Variants in RBMX observed in about 807,000 individuals in gnomAD.
RBMX encodes RNA binding motif protein X-linked, also known as RNA-binding motif protein, X chromosome.
A neutral mutation model predicts 29.3 loss-of-function variants in RBMX; 1 was observed. The ratio of observed to expected loss-of-function variants is 0.03; its 90% confidence interval spans 0.01 to 0.16. The LOEUF is 0.16. Among genes scored for constraint, RBMX ranks in the 10% least tolerant of loss-of-function variants. The pLI, the probability that RBMX is intolerant of heterozygous loss-of-function variation, is 1.00. For missense variants in RBMX, 121 were observed against 333.2 expected (o/e 0.36, Z 4.96); for synonymous variants, 102 against 102.3 (o/e 1.00, Z 0.02).
chrX:136,875,226 T>C, intron 7 of RBMX, 32 bp downstream of exon 7: 1 of 1,211,024 alleles, frequency 8.3e-7, no homozygotes. Context: ...CAACTTTTCT[T>C]ACATGTAAGC....
intron 5 of RBMX, among the ~76,000 whole-genome samples, chrX:136,875,807 T>A (rs5974637): frequency 6.4e-4 from 63 of 98,725 alleles, no homozygotes; most frequent in African/African-American, 2.4e-3. Context: ...AAAAGTTTTG[T>A]TTTTTTTTTT....
chrX:136,880,178 G>C (rs2077783705), intron 1 of RBMX, among the ~76,000 whole-genome samples: 1 of 111,652 alleles, frequency 9.0e-6, no homozygotes, highest in South Asian at 3.9e-4. Context: ...CACTGGTCAG[G>C]GGACTAACTT....
intron 8 of RBMX, 183 bp from the exon 9 acceptor site, chrX:136,874,635 T>C (rs2077709937): frequency 1.9e-6 from 1 of 523,325 alleles, no homozygotes; most frequent in South Asian, 3.5e-5. Flanking sequence ...TGGAATTGGA[T>C]TCATTTTAAT....
In RBMX at chrX:136,876,650, C is replaced by A. The variant is rs755202665; in HGVS notation, c.394G>T (p.Gly132Cys). Reference protein sequence around the residue: ...PPSRGGHMDDGGYSMNFNMSS... With the variant: ...PPSRGGHMDDCGYSMNFNMSS... ...ATGTTAAAATTCATGGAATATCCAC[C>A]GTCATCTGCATCAAAAATAGAAAAG... Residue 132 changes from glycine to cysteine, a missense_variant, in exon 5 of 9, where the codon GGT (glycine) becomes TGT (cysteine). Around this residue, in one of 2 missense-constraint regions of RBMX, gnomAD observed 114 missense variants for 260.0 expected, o/e 0.44. Coordinates refer to ENST00000320676, the MANE Select transcript of RBMX (RefSeq NM_002139.4). 1.1e-4 allele frequency: 127 copies of A among 1,171,468 alleles called. No individual in the cohort carries two copies. The highest frequency in any genetic ancestry group is 1.4e-4 in the Non-Finnish European group (120 of 878,587).
intron 5 of RBMX, among the ~76,000 whole-genome samples, chrX:136,876,273 G>A (rs897995875): frequency 3.7e-5 from 4 of 107,935 alleles, no homozygotes; most frequent in Admixed American, 1.0e-4. Flanking sequence ...ACAGGAACCC[G>A]CCCTACACTC....
chrX:136,876,108 TAA>T (rs1201002334), intron 5 of RBMX, among the ~76,000 whole-genome samples: 2 of 101,912 alleles, frequency 2.0e-5, no homozygotes, highest in East Asian at 3.1e-4. Flanking sequence ...ACTCCATGAA[TAA>T]AGTTTTTTTT....
intron 2 of RBMX, 26 bp downstream of exon 2, chrX:136,879,293 C>G: frequency 8.3e-7 from 1 of 1,202,388 alleles, no homozygotes; most frequent in Non-Finnish European, 1.1e-6. Flanking sequence ...TTATAATAGC[C>G]CAGCCTGTAC....
At chrX:136,876,800 T>A in intron 4 of RBMX, 145 bp from the exon 5 acceptor site, 1 of 392,129 alleles carries the variant, frequency 2.6e-6, no homozygotes, top group Non-Finnish European at 4.0e-6. Flanking sequence ...CTCTGCCTCC[T>A]GGGTTCAAGC....
chrX:136,872,217 G>A, downstream of RBMX: 1 of 951,199 alleles, frequency 1.1e-6, no homozygotes, highest in South Asian at 2.2e-5. Flanking sequence ...TAAACTAAAT[G>A]GTAGTTACAC....
chrX:136,871,591 T>C (rs1242566387), downstream of RBMX, among the ~76,000 whole-genome samples: 1 of 111,213 alleles, frequency 9.0e-6, no homozygotes, highest in Non-Finnish European at 1.9e-5. Context: ...GCTATGCAAA[T>C]GAGCAAGCAC....
chrX:136,877,735 C>T (rs2077748871), intron 4 of RBMX, among the ~76,000 whole-genome samples, 180 bp downstream of exon 4: 1 of 112,317 alleles, frequency 8.9e-6, no homozygotes, highest in Non-Finnish European at 1.9e-5. Flanking sequence ...CACGGTTTAA[C>T]ACCATAATCT....
chrX:136,874,503 A>G (rs370281616), intron 8 of RBMX, 51 bp from the exon 9 acceptor site: 7 of 1,150,416 alleles, frequency 6.1e-6, no homozygotes, highest in East Asian at 3.0e-5. Context: ...TTGTATATAT[A>G]CAACATTTTA....
downstream of RBMX, chrX:136,869,665 G>C (rs2077673809): frequency 9.0e-6 from 1 of 110,684 alleles, no homozygotes; most frequent in Non-Finnish European, 1.9e-5. Context: ...TAAAAATGTT[G>C]TATTATCCCT....
At chrX:136,876,822 C>G (rs986283567) in intron 4 of RBMX, among the ~76,000 whole-genome samples, 167 bp from the exon 5 acceptor site, 1 of 106,286 alleles carries the variant, frequency 9.4e-6, no homozygotes, top group Non-Finnish European at 1.9e-5. Context: ...ATTCTCCTGC[C>G]TCAGCCTCCC....
intron 4 of RBMX, among the ~76,000 whole-genome samples, chrX:136,877,386 C>T (rs773139612): frequency 1.4e-4 from 13 of 89,678 alleles, no homozygotes; most frequent in African/African-American, 5.4e-4. Flanking sequence ...TTCACTTGTA[C>T]TTGATGGAGC....
At chrX:136,876,884 GTTTTT>G (rs766381924) in intron 4 of RBMX, among the ~76,000 whole-genome samples, 4 of 103,650 alleles carry the variant, frequency 3.9e-5, no homozygotes, top group African/African-American at 1.1e-4. Context: ...ATTTTTGGTG[GTTTTT>G]TTTAAGTAGA....
At chrX:136,876,429 A>AT in intron 5 of RBMX, 74 bp downstream of exon 5, 1 of 1,071,866 alleles carries the variant, frequency 9.3e-7, no homozygotes, top group Non-Finnish European at 1.2e-6. Flanking sequence ...GCCAATTAAA[A>AT]TTTTAAGCAT....
Position 136,875,143 on chromosome X carries a change from G to C in RBMX, c.808C>G (p.Arg270Gly). The C allele has an allele frequency of 8.3e-7, 1 of 1,211,279 alleles. No homozygotes were observed. The change falls in exon 8 of 9, where the codon CGT becomes GGT. Residue 270 changes from arginine to glycine, a missense_variant. Arg to Gly is a moderately radical substitution (Grantham distance 125, BLOSUM62 -2). Around this residue, in one of 2 missense-constraint regions of RBMX, gnomAD observed 114 missense variants for 260.0 expected, o/e 0.44. Transcript: ENST00000320676. The part of the protein sequence containing the change: ...YSDRDGYGRD[R>G]DYSDHPSGGS... ...CCACTTGGATGATCTGAATAGTCAC[G>C]ATCACGACCATATCCATCTCTATCG...
At chrX:136,872,179 G>C, downstream of RBMX, 9 of 713,817 alleles carry the variant, frequency 1.3e-5, no homozygotes, top group South Asian at 2.4e-4. Context: ...ATGAAGTGAG[G>C]ACCACAATAA....
Sources: gnomAD v4.1 joint callset for allele counts (sites outside exome capture counted in the v4.1 genomes callset) on GRCh38, gnomAD v4.1.1 for gene constraint, gnomAD v4.1.1 regional missense constraint, MANE v1.5 for transcripts, NCBI Gene and HGNC (gene_info 2026-07-23, HGNC 2026-07-21) for gene names.